CELF6: variants seen among roughly 807,000 people sequenced by gnomAD.
The protein encoded by CELF6 is Bruno -like 6, RNA binding protein.
Under a neutral mutation model 53.1 loss-of-function variants are expected in CELF6, and 32 were observed. The ratio of observed to expected loss-of-function variants is 0.60; its 90% CI spans 0.46 to 0.81. The LOEUF is 0.81. CELF6 is among the 30% of genes least tolerant of loss of function. The probability of loss-of-function intolerance (pLI) is 0.00; values close to 1 mark genes in which losing one functional copy is unlikely to be tolerated. For synonymous variants in CELF6, 291 were observed against 288.8 expected, an observed-to-expected ratio of 1.01 and a Z score of -0.08; for missense variants, 539 against 669.5, an observed-to-expected ratio of 0.81 and a Z score of 2.15.
chr15:72,301,402 C>T (rs1225983160), intron 3 of CELF6, among the ~76,000 whole-genome samples: 1 of 152,196 alleles, frequency 6.6e-6, no homozygotes, highest in Non-Finnish European at 1.5e-5. Flanking sequence ...AAAAATCATG[C>T]ATAATCCCTT....
In CELF6 at chr15:72,288,599, A is replaced by G; in HGVS notation, c.1113T>C (p.Tyr371=). The G allele has an allele frequency of 1.3e-6, 2 of 1,569,548 alleles. No individual in the cohort carries two copies. Among genetic ancestry groups the G allele is most frequent in the Non-Finnish European group, 1.7e-6 (2 of 1,157,498 alleles). ...GGGGAAAAGCTGTGCTCACTGGGGC[A>G]TAGGCCGACGGATAGGCTGCTGGAG... ...HHYAAAYPSA[Y]APVSTAFPQQ... is the part of the protein sequence containing the mutation. The change falls in exon 10 of 13, where the codon TAT becomes TAC. Residue 371 remains tyrosine, a synonymous_variant. Transcript: ENST00000287202. The surrounding 1 kb of genome is among the most constrained non-coding windows in gnomAD (Gnocchi z 4.6).
intron 2 of CELF6, 22 bp downstream of exon 2, chr15:72,315,823 C>A: frequency 1.9e-6 from 3 of 1,541,976 alleles, no homozygotes; most frequent in Non-Finnish European, 2.7e-6. Flanking sequence ...GTGATTCCCA[C>A]CCCCCAACCT....
intron 3 of CELF6, among the ~76,000 whole-genome samples, chr15:72,303,496 G>C (rs1191140073): frequency 6.6e-6 from 1 of 152,236 alleles, no homozygotes; most frequent in Non-Finnish European, 1.5e-5. Flanking sequence ...CCAGAACTCT[G>C]TGTGTGGGTT....
rs2140310634 is a variant in CELF6, at chr15:72,319,902, G to C, written c.-28C>G. ...CCCCGCCCTGTCAGCCCTCCCGCCG[G>C]TCCCACTGGTCCCGCCTGTCCCGCC... is the stretch of plus-strand genomic sequence containing the variant. On this transcript the variant is annotated 5_prime_UTR_variant, in exon 1 of 13. Coordinates refer to ENST00000287202, the MANE Select transcript of CELF6 (RefSeq NM_052840.5). The surrounding 1 kb of genome is among the most constrained non-coding windows in gnomAD (Gnocchi z 5.0). The C allele has an allele frequency of 2.1e-6, 3 of 1,437,980 alleles. No individual in the cohort carries two copies. Among genetic ancestry groups the C allele is most frequent in the East Asian group, 2.6e-5 (1 of 38,368 alleles). 89.1% of individuals were successfully genotyped at this position (1,437,980 alleles called of 1,614,324 possible).
intron 12 of CELF6, among the ~76,000 whole-genome samples, chr15:72,286,866 T>C (rs1214146550): frequency 6.6e-6 from 1 of 152,198 alleles, no homozygotes; most frequent in Non-Finnish European, 1.5e-5. Context: ...AAGTCCAAAC[T>C]CATGGCCTGA....
intron 3 of CELF6, among the ~76,000 whole-genome samples, chr15:72,298,768 A>G (rs1281468994): frequency 1.3e-5 from 2 of 152,240 alleles, no homozygotes. Flanking sequence ...GTGTTTCCAA[A>G]GTAGAGAAAA....
intron 2 of CELF6, among the ~76,000 whole-genome samples, chr15:72,315,386 G>C (rs1316039036): frequency 6.6e-6 from 1 of 152,134 alleles, no homozygotes; most frequent in Non-Finnish European, 1.5e-5. Flanking sequence ...GTGGAGGGAA[G>C]ACAATCTTAG....
chr15:72,315,785 G>T, intron 2 of CELF6, 60 bp downstream of exon 2: 2 of 1,178,536 alleles, frequency 1.7e-6, no homozygotes, highest in Non-Finnish European at 2.4e-6. Flanking sequence ...GCTTTGGCAT[G>T]CACACAGGGC....
chr15:72,319,928 G>A lies in CELF6; in HGVS notation c.-54C>T. ...TCCCACTGGTCCCGCCTGTCCCGCC[G>A]TCCCCTCCCTGGACCGGTGGCGAGG... On this transcript the variant is annotated 5_prime_UTR_variant, in exon 1 of 13. The change creates a new upstream start codon in the 5' untranslated region. Coordinates refer to ENST00000287202, the MANE Select transcript of CELF6 (RefSeq NM_052840.5). This position sits in a 1 kb window ranked among gnomAD's most constrained non-coding sequence, Gnocchi z 5.0. The A allele has an allele frequency of 7.1e-7, 1 of 1,408,952 alleles. No individual in the cohort carries two copies. Among genetic ancestry groups the A allele is most frequent in the Non-Finnish European group, 9.2e-7 (1 of 1,089,060 alleles). The allele number at this position is 1,408,952 out of a possible 1,614,324, so 87.3% of individuals were successfully genotyped here. A position where few individuals can be genotyped will look rare whatever the true frequency, so the allele number is the denominator to read the frequency against.
Position 72,288,298 on chromosome 15 carries a change from C to T in CELF6, c.1318+10G>A. ...GGTGGGAGAGGCCTAGGGGTAGGTT[C>T]TCAGCTCACCAAAACACTTGCTCTG... is the stretch of plus-strand genomic sequence containing the variant. On this transcript the variant is annotated intron_variant, in intron 11 of 12. Transcript: ENST00000287202. The surrounding 1 kb of genome is among the most constrained non-coding windows in gnomAD (Gnocchi z 4.6). 6.2e-7 allele frequency: 1 copy of T among 1,614,116 alleles called. No individual in the cohort carries two copies. Among genetic ancestry groups the T allele is most frequent in the Non-Finnish European group, 8.5e-7 (1 of 1,179,994 alleles).
chr15:72,288,662 TCCCCAAGCAGGG>T lies in CELF6; in HGVS notation c.1094-56_1094-45del. The T allele has an allele frequency of 6.5e-7, 1 of 1,532,232 alleles. No individual in the cohort carries two copies. Among genetic ancestry groups the T allele is most frequent in the South Asian group, 1.3e-5 (1 of 79,482 alleles). The allele number at this position is 1,532,232 out of a possible 1,614,324, so 94.9% of individuals were successfully genotyped here. A position where few individuals can be genotyped will look rare whatever the true frequency, so the allele number is the denominator to read the frequency against. Reference sequence around the variant, plus strand: ...GTGGACAGTGATCCCCAGGAGCCCTTCCCCAAGCAGGGCCCCAACTGCCTGGCCGCTTTTGAC... The same window carrying T: ...GTGGACAGTGATCCCCAGGAGCCCTTCCCCAACTGCCTGGCCGCTTTTGAC... On this transcript the variant is annotated intron_variant, in intron 9 of 12. Transcript: ENST00000287202. This position sits in a 1 kb window ranked among gnomAD's most constrained non-coding sequence, Gnocchi z 4.6.
chr15:72,288,672 G>A lies in CELF6; in HGVS notation c.1094-54C>T. Reference sequence around the variant, plus strand: ...ATCCCCAGGAGCCCTTCCCCAAGCAGGGCCCCAACTGCCTGGCCGCTTTTG... The same window carrying A: ...ATCCCCAGGAGCCCTTCCCCAAGCAAGGCCCCAACTGCCTGGCCGCTTTTG... On this transcript the variant is annotated intron_variant, in intron 9 of 12. Transcript: ENST00000287202. The surrounding 1 kb of genome is among the most constrained non-coding windows in gnomAD (Gnocchi z 4.6). 2.0e-6 allele frequency: 3 copies of A among 1,518,276 alleles called. No homozygotes were observed. The highest frequency in any genetic ancestry group is 2.3e-5 in the East Asian group (1 of 44,212). The allele number at this position is 1,518,276 out of a possible 1,614,324, so 94.1% of individuals were successfully genotyped here. A position where few individuals can be genotyped will look rare whatever the true frequency, so the allele number is the denominator to read the frequency against.
rs189801392 is a variant in CELF6 at position 72,318,199 on chromosome 15, A to C, written c.262+1414T>G. Among the ~76,000 whole-genome samples the C allele has an allele frequency of 4.6e-5, 7 of 152,272 alleles. No individual in the cohort carries two copies. In the East Asian group the frequency reaches 5.8e-4, roughly 13 times the overall value. On this transcript the variant is annotated intron_variant, in intron 1 of 12. Coordinates refer to ENST00000287202, the MANE Select transcript of CELF6 (RefSeq NM_052840.5). ...CTAGATGGTGAGGTATTGTCCTTTC[A>C]TACACCCATTAACACAATCCCAGCC...
intron 2 of CELF6, among the ~76,000 whole-genome samples, chr15:72,305,601 T>G (rs2088215784): frequency 6.6e-6 from 1 of 152,194 alleles, no homozygotes; most frequent in Non-Finnish European, 1.5e-5. Context: ...TAGGGTCCCC[T>G]TCCCTGAGGA....
intron 2 of CELF6, among the ~76,000 whole-genome samples, chr15:72,309,268 C>T (rs997922220): frequency 6.6e-6 from 1 of 151,936 alleles, no homozygotes; most frequent in African/African-American, 2.4e-5. Context: ...ATGAAGGATC[C>T]CATAAGCTGT....
rs748428650 is a variant in CELF6 at position 72,289,371 on chromosome 15, G to A, written c.880+4C>T. 2.3e-5 allele frequency: 35 copies of A among 1,549,810 alleles called. No homozygotes were observed. Among genetic ancestry groups the A allele is most frequent in the African/African-American group, 5.4e-5 (4 of 74,078 alleles). ...AGGCGCGCCCCAGTCCCTGGGGGCCGTACCTGCCGCGGGCAACAGAGGCGC... is the reference window on the plus strand; with the variant it reads ...AGGCGCGCCCCAGTCCCTGGGGGCCATACCTGCCGCGGGCAACAGAGGCGC... On this transcript the variant is annotated splice_donor_region_variant and intron_variant, in intron 7 of 12. Transcript: ENST00000287202. The surrounding 1 kb of genome is among the most constrained non-coding windows in gnomAD (Gnocchi z 7.6).
intron 2 of CELF6, among the ~76,000 whole-genome samples, chr15:72,314,602 T>TTTTTTTTTTG (rs1555470422): frequency 1.4e-5 from 2 of 144,926 alleles, no homozygotes; most frequent in African/African-American, 5.4e-5. Context: ...TTTTTTTTTT[T>TTTTTTTTTTG]TTTTTTTTTT....
At chr15:72,313,136 C>G (rs1391518030) in intron 2 of CELF6, among the ~76,000 whole-genome samples, 1 of 152,188 alleles carries the variant, frequency 6.6e-6, no homozygotes, top group Non-Finnish European at 1.5e-5. Context: ...CTGTCTGCTA[C>G]CTGGTTGTCT....
chr15:72,289,963 A>G lies in CELF6; in HGVS notation c.579T>C (p.Gly193=). 2 of 1,579,046 alleles carry G rather than the reference A, an allele frequency of 1.3e-6. No individual in the cohort carries two copies. Among genetic ancestry groups the G allele is most frequent in the Non-Finnish European group, 1.7e-6 (2 of 1,163,128 alleles). Reference sequence around the variant, plus strand: ...CCGCCATGGTCCGGCTGCCGTGCAGACCCCGGATGGCCGCCTGAGCTTCCC... The same window carrying G: ...CCGCCATGGTCCGGCTGCCGTGCAGGCCCCGGATGGCCGCCTGAGCTTCCC... ...SQGEAQAAIR[G]LHGSRTMAGA... Residue 193 remains glycine (G), a synonymous_variant, in exon 5 of 13, where the codon GGT becomes GGC. Coordinates refer to ENST00000287202, the MANE Select transcript of CELF6 (RefSeq NM_052840.5). This position sits in a 1 kb window ranked among gnomAD's most constrained non-coding sequence, Gnocchi z 7.6.
Sources: gnomAD v4.1 joint callset for allele counts (sites outside exome capture counted in the v4.1 genomes callset) on GRCh38, gnomAD v4.1.1 for gene constraint, Gnocchi (gnomAD v3.1) non-coding constraint, MANE v1.5 for transcripts, NCBI Gene and HGNC (gene_info 2026-07-23, HGNC 2026-07-21) for gene names.